SRBD1: variants seen among roughly 807,000 people sequenced by gnomAD.
SRBD1 encodes S1 RNA-binding domain-containing protein 1.
Under a neutral mutation model 115.3 loss-of-function variants are expected in SRBD1, and 88 were observed. That is an observed-to-expected ratio of 0.76 (90% CI 0.64 to 0.91). The LOEUF is 0.91. SRBD1 is among the 40% of genes least tolerant of loss of function. SRBD1 has a pLI of 0.00. For synonymous variants in SRBD1, 509 were observed against 407.7 expected, an observed-to-expected ratio of 1.25 and a Z score of -2.99; for missense variants, 1,385 against 1,177.4, an observed-to-expected ratio of 1.18 and a Z score of -2.58.
chr2:45,398,883 C>G (rs1013183036), intron 19 of SRBD1, among the ~76,000 whole-genome samples: 1 of 152,034 alleles, frequency 6.6e-6, no homozygotes, highest in Non-Finnish European at 1.5e-5. Flanking sequence ...AACAACTGTA[C>G]GTATACCTCT....
At chr2:45,545,736 T>A (rs1672096509) in intron 14 of SRBD1, among the ~76,000 whole-genome samples, 1 of 152,216 alleles carries the variant, frequency 6.6e-6, no homozygotes, top group African/African-American at 2.4e-5. Flanking sequence ...TGAATCATGA[T>A]CCCATGGCAC....
chr2:45,391,895 G>A (rs902064289), intron 20 of SRBD1, among the ~76,000 whole-genome samples: 3 of 152,130 alleles, frequency 2.0e-5, no homozygotes, highest in Non-Finnish European at 4.4e-5. Flanking sequence ...CTAATGCAAA[G>A]GGTGCAGCCA....
intron 16 of SRBD1, among the ~76,000 whole-genome samples, chr2:45,454,953 T>A (rs1351451632): frequency 6.6e-6 from 1 of 151,866 alleles, no homozygotes; most frequent in Admixed American, 6.6e-5. Context: ...TTTATATATT[T>A]TAACAAAGTT....
At chr2:45,502,522 T>C (rs1317135658) in intron 14 of SRBD1, among the ~76,000 whole-genome samples, 1 of 152,114 alleles carries the variant, frequency 6.6e-6, no homozygotes, top group African/African-American at 2.4e-5. Context: ...CCAGTTCATG[T>C]CCTTTGTAGG....
chr2:45,543,884 C>T (rs193067805), intron 14 of SRBD1, among the ~76,000 whole-genome samples: 1 of 151,962 alleles, frequency 6.6e-6, no homozygotes, highest in African/African-American at 2.4e-5. Context: ...GATTTTAAAA[C>T]CCAAATAATT....
intron 19 of SRBD1, among the ~76,000 whole-genome samples, chr2:45,403,439 C>G (rs1325881781): frequency 6.6e-6 from 1 of 152,006 alleles, no homozygotes; most frequent in Non-Finnish European, 1.5e-5. Flanking sequence ...ATGTAGTCAT[C>G]TTTCATTATT....
intron 13 of SRBD1, 95 bp downstream of exon 13, chr2:45,547,427 A>C: frequency 9.5e-7 from 1 of 1,048,418 alleles, no homozygotes. Context: ...TCACAAAGGC[A>C]CCTCCCTTAA....
intron 16 of SRBD1, among the ~76,000 whole-genome samples, chr2:45,421,387 G>T (rs896381756): frequency 6.6e-6 from 1 of 151,344 alleles, no homozygotes; most frequent in African/African-American, 2.4e-5. Context: ...GACACCTGTA[G>T]TCCCAGCTAC....
intron 4 of SRBD1, among the ~76,000 whole-genome samples, chr2:45,591,721 T>C (rs756402593): frequency 3.9e-5 from 6 of 152,198 alleles, no homozygotes; most frequent in Non-Finnish European, 8.8e-5. Flanking sequence ...ACTAGGAATG[T>C]TGGGTGATGG....
intron 16 of SRBD1, among the ~76,000 whole-genome samples, chr2:45,469,017 G>C (rs995429928): frequency 6.6e-6 from 1 of 152,078 alleles, no homozygotes; most frequent in African/African-American, 2.4e-5. Context: ...CTCCTCTTCT[G>C]TGAACTGCCT....
intron 9 of SRBD1, among the ~76,000 whole-genome samples, chr2:45,571,276 A>ATTTTGT (rs1164428075): frequency 6.6e-6 from 1 of 151,906 alleles, no homozygotes; most frequent in Non-Finnish European, 1.5e-5. Context: ...TTTAGGGTTT[A>ATTTTGT]TTTTGTTTTT....
At chr2:45,548,805 G>T (rs1222817842) in intron 12 of SRBD1, among the ~76,000 whole-genome samples, 1 of 150,104 alleles carries the variant, frequency 6.7e-6, no homozygotes, top group African/African-American at 2.5e-5. Flanking sequence ...AAAACAAAAA[G>T]TCACGACTAT....
intron 18 of SRBD1, among the ~76,000 whole-genome samples, chr2:45,417,600 C>T (rs999161523): frequency 6.6e-6 from 1 of 152,128 alleles, no homozygotes; most frequent in Non-Finnish European, 1.5e-5. Context: ...CACGTAGTCC[C>T]AAAGTAGCAG....
At chr2:45,573,118 ATTAT>A in intron 9 of SRBD1, 85 bp downstream of exon 9, 1 of 1,342,620 alleles carries the variant, frequency 7.4e-7, no homozygotes, top group Non-Finnish European at 9.9e-7. Context: ...TTGACATAAA[ATTAT>A]TTAAATTCTT....
chr2:45,572,827 A>G (rs1246811169), intron 9 of SRBD1, among the ~76,000 whole-genome samples: 1 of 152,176 alleles, frequency 6.6e-6, no homozygotes, highest in East Asian at 1.9e-4. Context: ...TTATATAAGT[A>G]AATGAGACCT....
At chr2:45,544,165 G>A (rs944373649) in intron 14 of SRBD1, among the ~76,000 whole-genome samples, 24 of 150,008 alleles carry the variant, frequency 1.6e-4, no homozygotes, top group African/African-American at 5.7e-4. Context: ...CCTGGGAGGT[G>A]GAGCTTGCAA....
At chr2:45,439,795 A>G (rs1668605242) in intron 16 of SRBD1, among the ~76,000 whole-genome samples, 2 of 151,910 alleles carry the variant, frequency 1.3e-5, no homozygotes, top group Admixed American at 1.3e-4. Flanking sequence ...TCATACCGAA[A>G]AAAAAAAAGA....
chr2:45,390,502 C>T (rs558030445), intron 20 of SRBD1, among the ~76,000 whole-genome samples: 17 of 152,308 alleles, frequency 1.1e-4, no homozygotes, highest in Admixed American at 7.2e-4. Flanking sequence ...ACAGTTTAAA[C>T]GGGGCTGTGG....
chr2:45,541,824 G>C (rs1261702684), intron 14 of SRBD1, among the ~76,000 whole-genome samples: 1 of 152,258 alleles, frequency 6.6e-6, no homozygotes, highest in Non-Finnish European at 1.5e-5. Context: ...ATTTGTGTCA[G>C]TCTGGCTGAG....
Sources: allele counts gnomAD v4.1 joint callset (sites outside exome capture counted in the v4.1 genomes callset), GRCh38; gene constraint gnomAD v4.1.1; transcripts MANE v1.5; gene names NCBI Gene and HGNC (gene_info 2026-07-23, HGNC 2026-07-21).